GART: variants seen among roughly 807,000 people sequenced by gnomAD.
GART encodes phosphoribosylglycinamide formyltransferase, phosphoribosylglycinamide synthetase, phosphoribosylaminoimidazole synthetase.
GART carries 43 observed loss-of-function variants against 107.2 expected under a neutral mutation model. The ratio of observed to expected loss-of-function variants is 0.40; its 90% CI spans 0.31 to 0.52. The LOEUF is 0.52. Ranked by LOEUF, GART falls within the 20% of genes least tolerant of loss-of-function variation. The pLI is 0.52. For missense variants in GART, 1,107 were observed against 1,206.5 expected, an observed-to-expected ratio of 0.92 and a Z score of 1.22; for synonymous variants, 434 against 427.0, an observed-to-expected ratio of 1.02 and a Z score of -0.20.
intron 7 of GART, among the ~76,000 whole-genome samples, chr21:33,530,344 T>C (rs1342146721): frequency 6.6e-6 from 1 of 152,200 alleles, no homozygotes; most frequent in Non-Finnish European, 1.5e-5. Flanking sequence ...TGGTTCTCAA[T>C]TCATATCACA....
intron 19 of GART, 99 bp from the exon 20 acceptor site, chr21:33,505,801 G>A: frequency 3.0e-6 from 4 of 1,330,572 alleles, no homozygotes; most frequent in Non-Finnish European, 4.1e-6. Flanking sequence ...TCCTTGTAAA[G>A]ATATACCTGA....
chr21:33,510,826 C>T (rs560446751), intron 17 of GART, among the ~76,000 whole-genome samples: 1 of 151,778 alleles, frequency 6.6e-6, no homozygotes, highest in Admixed American at 6.6e-5. Context: ...TAGTATGTGT[C>T]CTGCCAAAGC....
chr21:33,517,096 A>T lies in GART; in HGVS notation c.2000T>A (p.Leu667Ter). 6.2e-7 allele frequency: 1 copy of T among 1,613,844 alleles called. No individual in the cohort carries two copies. Residue 667 changes from leucine (L) to a stop codon, truncating the protein, a stop_gained, in exon 16 of 22, where the codon TTA becomes TAA. Transcript: ENST00000381815. LOFTEE classifies it high-confidence loss of function. ...TPTRIYSHSL[L>*]PVLRSGHVKA... Reference sequence around the variant, plus strand: ...GACATGTCCTGAACGTAGGACAGGTAACAGTGAATGGCTGTAGATTCTGGT... The same window carrying T: ...GACATGTCCTGAACGTAGGACAGGTTACAGTGAATGGCTGTAGATTCTGGT...
intron 10 of GART, among the ~76,000 whole-genome samples, chr21:33,525,505 A>G (rs566242413): frequency 6.6e-6 from 1 of 152,184 alleles, no homozygotes; most frequent in Non-Finnish European, 1.5e-5. Flanking sequence ...ATCTCCGCTC[A>G]CTGCAACCTC....
rs759488956 is a variant in GART at position 33,517,630 on chromosome 21, A to C, written c.1703-22T>G. ...CCTCCTGGTGGGATAAGACAAGAAC[A>C]AAGAAATCAGAGTATTTATAAATCT... On this transcript the variant is annotated intron_variant, in intron 14 of 21. Transcript: ENST00000381815. 5 of 1,612,658 alleles carry C rather than the reference A, an allele frequency of 3.1e-6. No individual in the cohort carries two copies. The East Asian group carries it at 1.1e-4, about 36-fold the overall frequency.
At chr21:33,536,781 T>C (rs2085313907) in intron 2 of GART, among the ~76,000 whole-genome samples, 1 of 152,246 alleles carries the variant, frequency 6.6e-6, no homozygotes, top group South Asian at 2.1e-4. Context: ...AACATGGATA[T>C]GCTGGACAAA....
Position 33,528,342 on chromosome 21 carries a change from A to C in GART, c.898-7T>G. On this transcript the variant is annotated splice_region_variant and splice_polypyrimidine_tract_variant and intron_variant, in intron 9 of 21. Coordinates refer to ENST00000381815, the MANE Select transcript of GART (RefSeq NM_000819.5). ...TAAGAAGTGGGAGGATTACCTGGAA[A>C]AACATAATCCACATGGCAGGTGGGA... 1 of 1,613,360 alleles carries C rather than the reference A, an allele frequency of 6.2e-7. No individual in the cohort carries two copies. The highest frequency in any genetic ancestry group is 8.5e-7 in the Non-Finnish European group (1 of 1,179,506).
At chr21:33,505,334 T>G (rs2145668849) in intron 20 of GART, among the ~76,000 whole-genome samples, 1 of 152,312 alleles carries the variant, frequency 6.6e-6, no homozygotes, top group Non-Finnish European at 1.5e-5. Flanking sequence ...CAAGCCAAAG[T>G]AAATGGATAG....
At position 33,504,022 on chromosome 21, in the gene GART, C is replaced by T; in HGVS notation, c.*102G>A. 4 of 1,089,244 alleles carry T rather than the reference C, an allele frequency of 3.7e-6. No individual in the cohort carries two copies. Among genetic ancestry groups the T allele is most frequent in the Non-Finnish European group, 5.2e-6 (4 of 772,898 alleles). The allele number at this position is 1,089,244 out of a possible 1,614,324, so 67.5% of individuals were successfully genotyped here. On this transcript the variant is annotated 3_prime_UTR_variant, in exon 22 of 22. Transcript: ENST00000381815. Reference sequence around the variant, plus strand: ...GAAGTAAGGGTGAGGTCTTTTTTGTCTTTTAGCAGTTTTTCTTTTGGGCCA... The same window carrying T: ...GAAGTAAGGGTGAGGTCTTTTTTGTTTTTTAGCAGTTTTTCTTTTGGGCCA...
chr21:33,516,786 A>G (rs1408655702), intron 16 of GART, among the ~76,000 whole-genome samples: 1 of 152,210 alleles, frequency 6.6e-6, no homozygotes, highest in Non-Finnish European at 1.5e-5. Context: ...AGCCAATTAC[A>G]TGACAATATT....
chr21:33,525,221 CATAAATAA>C lies in GART; in HGVS notation c.1067-229_1067-222del, dbSNP rs572808243. Among the ~76,000 whole-genome samples, 281 of 151,224 alleles carry C rather than the reference CATAAATAA, an allele frequency of 1.9e-3. 1 individual carries two copies. Among genetic ancestry groups the C allele is most frequent in the Admixed American group, 4.0e-3 (61 of 15,126 alleles). On this transcript the variant is annotated intron_variant, in intron 10 of 21. Coordinates refer to ENST00000381815, the MANE Select transcript of GART (RefSeq NM_000819.5). Reference sequence around the variant, plus strand: ...GCAACAGAGCAAGACCTCGCCTCTACATAAATAAATAAATAAATAAATAATAATAGCCA... The same window carrying C: ...GCAACAGAGCAAGACCTCGCCTCTACATAAATAAATAAATAATAATAGCCA...
intron 5 of GART, 71 bp from the exon 6 acceptor site, chr21:33,531,628 CT>C: frequency 7.4e-7 from 1 of 1,352,370 alleles, no homozygotes; most frequent in Non-Finnish European, 1.0e-6. Context: ...ACTTAGTTGA[CT>C]TTTAGCATTA....
At chr21:33,534,546 A>T in intron 4 of GART, 33 bp downstream of exon 4, 1 of 1,612,050 alleles carries the variant, frequency 6.2e-7, no homozygotes, top group South Asian at 1.1e-5. Flanking sequence ...TCAAAACTAA[A>T]CAACTGTCCT....
intron 11 of GART, among the ~76,000 whole-genome samples, chr21:33,523,471 T>A (rs947225606): frequency 7.2e-5 from 11 of 152,194 alleles, no homozygotes; most frequent in African/African-American, 2.2e-4. Flanking sequence ...TTCAATGGAA[T>A]CTAGTCATTT....
At chr21:33,514,788 A>T (rs1298281742) in intron 16 of GART, among the ~76,000 whole-genome samples, 1 of 151,724 alleles carries the variant, frequency 6.6e-6, no homozygotes, top group Non-Finnish European at 1.5e-5. Context: ...CCTGGAAGAG[A>T]CTCCCACTCA....
At chr21:33,523,234 A>T (rs960225654) in intron 11 of GART, among the ~76,000 whole-genome samples, 1 of 152,224 alleles carries the variant, frequency 6.6e-6, no homozygotes, top group African/African-American at 2.4e-5. Context: ...TAAAAAAAGC[A>T]TACAAAAACA....
At chr21:33,521,920 T>C (rs1298454376) in intron 12 of GART, among the ~76,000 whole-genome samples, 11 of 136,562 alleles carry the variant, frequency 8.1e-5, no homozygotes, top group African/African-American at 2.5e-4. Context: ...GATGGTGCCA[T>C]TGCACTCCAG....
intron 8 of GART, 95 bp downstream of exon 8, chr21:33,528,755 G>GT (rs1417277012): frequency 1.9e-5 from 16 of 839,156 alleles, no homozygotes; most frequent in Admixed American, 1.3e-4. Context: ...TTAAAAAGTG[G>GT]TAAAAAAAAA....
chr21:33,528,101 G>T, intron 10 of GART, 66 bp downstream of exon 10: 2 of 1,451,318 alleles, frequency 1.4e-6, no homozygotes, highest in East Asian at 2.3e-5. Flanking sequence ...TAGTGTGAGA[G>T]GGGGGTCTGC....
Sources: allele counts gnomAD v4.1 joint callset (sites outside exome capture counted in the v4.1 genomes callset), GRCh38; gene constraint gnomAD v4.1.1; transcripts MANE v1.5; gene names NCBI Gene and HGNC (gene_info 2026-07-23, HGNC 2026-07-21).